PRKCB: variants seen among roughly 807,000 people sequenced by gnomAD.
PRKCB encodes protein kinase C beta.
PRKCB carries 13 observed loss-of-function variants against 81.5 expected under a neutral mutation model. That is an observed-to-expected ratio of 0.16 (90% CI 0.10 to 0.25). The LOEUF is 0.25. Ranked by LOEUF, PRKCB falls within the 10% of genes least tolerant of loss-of-function variation. The pLI is 1.00. For missense variants in PRKCB, 509 were observed against 875.7 expected (o/e 0.58, Z 5.29); for synonymous variants, 335 against 321.4 (o/e 1.04, Z -0.45).
chr16:24,012,700 T>C (rs755133149), intron 3 of PRKCB, among the ~76,000 whole-genome samples: 1 of 152,234 alleles, frequency 6.6e-6, no homozygotes, highest in Non-Finnish European at 1.5e-5. Context: ...ATTGGTTTGT[T>C]CTGTTGTGTC....
intron 3 of PRKCB, among the ~76,000 whole-genome samples, chr16:24,012,088 C>G (rs545767894): frequency 6.6e-6 from 1 of 152,232 alleles, no homozygotes; most frequent in African/African-American, 2.4e-5. Context: ...CTCCCAAATT[C>G]CACTGAGCAG....
intron 16 of PRKCB, among the ~76,000 whole-genome samples, chr16:24,201,929 G>A (rs1440389598): frequency 1.3e-5 from 2 of 151,972 alleles, no homozygotes; most frequent in East Asian, 1.9e-4. Flanking sequence ...CCAGCTACTC[G>A]GGAGGCTGAG....
At chr16:24,179,700 C>T (rs958178005) in intron 12 of PRKCB, among the ~76,000 whole-genome samples, 8 of 152,176 alleles carry the variant, frequency 5.3e-5, no homozygotes, top group Non-Finnish European at 8.8e-5. Context: ...CAGATGTCAC[C>T]GCCTTAGACA....
intron 2 of PRKCB, among the ~76,000 whole-genome samples, chr16:23,858,542 GTT>G (rs10591707): frequency 0.52 from 78,527 of 150,800 alleles, 20,452 homozygotes; most frequent in South Asian, 0.56. Flanking sequence ...CCATCAAACT[GTT>G]TTTTTTTTTT....
chr16:24,100,999 T>G (rs1966499820), intron 7 of PRKCB, among the ~76,000 whole-genome samples: 1 of 152,168 alleles, frequency 6.6e-6, no homozygotes, highest in Admixed American at 6.5e-5. Context: ...GGATTCCCAG[T>G]CTGGGTTGCA....
intron 5 of PRKCB, among the ~76,000 whole-genome samples, chr16:24,046,539 C>T (rs1965767704): frequency 6.6e-6 from 1 of 152,160 alleles, no homozygotes; most frequent in Non-Finnish European, 1.5e-5. Context: ...GTTGAGACCT[C>T]AGGGACCAGC....
Position 24,215,732 on chromosome 16 carries a change from C to A in PRKCB, c.*916C>A. ...CAAATGTTATTAACCACAATGACGACCTGCTTTGATTTAACCAAGAAGACG... is the reference window on the plus strand; with the variant it reads ...CAAATGTTATTAACCACAATGACGAACTGCTTTGATTTAACCAAGAAGACG... On this transcript the variant is annotated 3_prime_UTR_variant, in exon 17 of 17. Coordinates refer to ENST00000643927, the MANE Select transcript of PRKCB (RefSeq NM_002738.7). 1.0e-6 allele frequency: 1 copy of A among 985,554 alleles called. No homozygotes were observed. Among genetic ancestry groups the A allele is most frequent in the Non-Finnish European group, 1.2e-6 (1 of 829,840 alleles). The allele number at this position is 985,554 out of a possible 1,614,324, so 61.1% of individuals were successfully genotyped here.
chr16:23,937,049 G>A (rs527767024), intron 2 of PRKCB, among the ~76,000 whole-genome samples: 2 of 152,238 alleles, frequency 1.3e-5, no homozygotes, highest in East Asian at 3.9e-4. Context: ...TCCATTGGTG[G>A]CTTTGAGGAA....
intron 2 of PRKCB, among the ~76,000 whole-genome samples, chr16:23,906,052 C>T (rs1229412623): frequency 1.3e-5 from 2 of 152,096 alleles, no homozygotes; most frequent in African/African-American, 2.4e-5. Flanking sequence ...GTGGGTTTGA[C>T]GACGTGCAAG....
At chr16:24,190,771 C>A (rs1410253696) in intron 15 of PRKCB, among the ~76,000 whole-genome samples, 1 of 152,088 alleles carries the variant, frequency 6.6e-6, no homozygotes, top group Non-Finnish European at 1.5e-5. Flanking sequence ...CCCGCCTAGG[C>A]CTCCCAAAGT....
chr16:24,031,045 CAG>C (rs1965544747), intron 3 of PRKCB, among the ~76,000 whole-genome samples: 1 of 152,110 alleles, frequency 6.6e-6, no homozygotes, highest in African/African-American at 2.4e-5. Flanking sequence ...GCCTGGGTGA[CAG>C]AGCAAAACCA....
chr16:23,879,405 T>G (rs1373121314), intron 2 of PRKCB, among the ~76,000 whole-genome samples: 1 of 151,742 alleles, frequency 6.6e-6, no homozygotes, highest in African/African-American at 2.4e-5. Flanking sequence ...AGGCACCTTC[T>G]CCTTGACATG....
intron 2 of PRKCB, among the ~76,000 whole-genome samples, chr16:23,961,808 C>G (rs1964429694): frequency 6.6e-6 from 1 of 152,080 alleles, no homozygotes; most frequent in South Asian, 2.1e-4. Flanking sequence ...TTCCTTGGAG[C>G]ATCATGTCAG....
At chr16:23,855,377 G>A (rs1054820498) in intron 2 of PRKCB, among the ~76,000 whole-genome samples, 3 of 152,158 alleles carry the variant, frequency 2.0e-5, no homozygotes, top group African/African-American at 7.2e-5. Context: ...GAAGATAATG[G>A]CACAGAGCCT....
intron 5 of PRKCB, among the ~76,000 whole-genome samples, chr16:24,067,936 C>T (rs1035802137): frequency 1.0e-4 from 14 of 139,830 alleles, no homozygotes; most frequent in East Asian, 4.0e-4. Context: ...AGCGAGACTC[C>T]GTCTCAAAAA....
intron 2 of PRKCB, among the ~76,000 whole-genome samples, chr16:23,958,872 T>C (rs1450393421): frequency 6.6e-6 from 1 of 152,088 alleles, no homozygotes; most frequent in Non-Finnish European, 1.5e-5. Flanking sequence ...AGTTCGTCTG[T>C]TGCCTTCAAG....
chr16:24,004,127 G>A lies in PRKCB; in HGVS notation c.288+15537G>A, dbSNP rs367693604. 7.2e-5 allele frequency among the ~76,000 whole-genome samples: 11 copies of A among 152,234 alleles called. 1 individual carries two copies. The East Asian group carries it at 1.5e-3, about 21-fold the overall frequency. On this transcript the variant is annotated intron_variant, in intron 3 of 16. Transcript: ENST00000643927. ...GATAAAAATATGCCAGCAAGGAACC[G>A]TGGAATCTGGAAAGCATAAATTTAG...
At chr16:23,891,322 G>A (rs1963291089) in intron 2 of PRKCB, among the ~76,000 whole-genome samples, 2 of 152,202 alleles carry the variant, frequency 1.3e-5, no homozygotes, top group Admixed American at 6.5e-5. Flanking sequence ...CAAAGTGCTG[G>A]AAATACAGGC....
intron 16 of PRKCB, among the ~76,000 whole-genome samples, chr16:24,198,678 C>T (rs73550414): frequency 1.2e-4 from 18 of 152,282 alleles, no homozygotes; most frequent in Middle Eastern, 3.4e-3. Context: ...GTACAATGAT[C>T]TGCCCAGTAG....
Sources: allele counts gnomAD v4.1 joint callset (sites outside exome capture counted in the v4.1 genomes callset), GRCh38; gene constraint gnomAD v4.1.1; transcripts MANE v1.5; gene names NCBI Gene and HGNC (gene_info 2026-07-23, HGNC 2026-07-21).